EYS: variants seen among roughly 807,000 people sequenced by gnomAD.
The protein encoded by EYS is protein eyes shut homolog.
In EYS, 250 loss-of-function variants were observed where a neutral mutation model predicts 282.1. The ratio of observed to expected loss-of-function variants is 0.89; its 90% CI spans 0.80 to 0.98. The LOEUF is 0.98. EYS is among the 50% of genes least tolerant of loss of function. The probability of loss-of-function intolerance (pLI) is 0.00; values close to 1 mark genes in which losing one functional copy is unlikely to be tolerated. For synonymous variants in EYS, 1,355 were observed against 1,282.9 expected (o/e 1.06, Z -1.20); for missense variants, 4,016 against 3,709.0 (o/e 1.08, Z -2.15).
At chr6:65,340,225 TC>T (rs1253246847) in intron 10 of EYS, among the ~76,000 whole-genome samples, 2 of 151,128 alleles carry the variant, frequency 1.3e-5, no homozygotes, top group African/African-American at 4.8e-5. Flanking sequence ...TCCCAGTAAC[TC>T]ATAATAATAT....
intron 1 of EYS, among the ~76,000 whole-genome samples, chr6:65,650,028 G>T (rs1048391180): frequency 3.3e-5 from 5 of 152,074 alleles, no homozygotes; most frequent in African/African-American, 9.7e-5. Flanking sequence ...TGCAGGAAAA[G>T]GATGCCTGTG....
At chr6:65,587,735 G>T (rs559997739) in intron 2 of EYS, among the ~76,000 whole-genome samples, 1 of 152,092 alleles carries the variant, frequency 6.6e-6, no homozygotes, top group Admixed American at 6.6e-5. Flanking sequence ...ATAAAAGGAT[G>T]AACTGTAAAC....
chr6:65,444,928 G>T (rs1768594385), intron 5 of EYS, among the ~76,000 whole-genome samples: 2 of 151,822 alleles, frequency 1.3e-5, no homozygotes, highest in South Asian at 4.1e-4. Context: ...GTCTTCACTA[G>T]CTTGTTACCT....
chr6:63,970,902 T>C (rs2149783347), intron 35 of EYS, among the ~76,000 whole-genome samples: 1 of 152,338 alleles, frequency 6.6e-6, no homozygotes, highest in East Asian at 1.9e-4. Context: ...ACAATATGAA[T>C]GCATGTCAAG....
At chr6:64,038,570 AT>A (rs999711633) in intron 33 of EYS, among the ~76,000 whole-genome samples, 5 of 152,004 alleles carry the variant, frequency 3.3e-5, no homozygotes, top group Non-Finnish European at 7.4e-5. Context: ...CAATATTAGG[AT>A]ATACTTTATA....
intron 31 of EYS, among the ~76,000 whole-genome samples, chr6:64,212,138 T>C (rs977429985): frequency 6.6e-6 from 1 of 151,728 alleles, no homozygotes; most frequent in African/African-American, 2.4e-5. Flanking sequence ...TAATTAATAA[T>C]TTAAAAAATA....
intron 34 of EYS, among the ~76,000 whole-genome samples, chr6:63,991,171 G>A (rs1767587477): frequency 6.6e-6 from 1 of 151,630 alleles, no homozygotes; most frequent in African/African-American, 2.4e-5. Flanking sequence ...GAGTCTGCAG[G>A]CACAAGTTCA....
intron 14 of EYS, 24 bp from the exon 15 acceptor site, chr6:64,945,938 T>TA (rs1769275488): frequency 6.6e-7 from 1 of 1,524,040 alleles, no homozygotes; most frequent in Admixed American, 2.0e-5. Flanking sequence ...AAATTATATA[T>TA]TTTTAGGCTA....
intron 22 of EYS, among the ~76,000 whole-genome samples, chr6:64,808,553 T>C (rs2150012794): frequency 6.6e-6 from 1 of 151,590 alleles, no homozygotes; most frequent in South Asian, 2.1e-4. Flanking sequence ...TGTCTCTAAA[T>C]GTGCCTGAGA....
chr6:64,418,236 ACT>A (rs1018941253), intron 28 of EYS, among the ~76,000 whole-genome samples: 5 of 151,904 alleles, frequency 3.3e-5, no homozygotes, highest in Admixed American at 1.3e-4. Context: ...AAAAAAAATA[ACT>A]CTCTGCAAAT....
At chr6:64,201,737 T>C (rs1021447788) in intron 31 of EYS, among the ~76,000 whole-genome samples, 1 of 152,208 alleles carries the variant, frequency 6.6e-6, no homozygotes, top group Non-Finnish European at 1.5e-5. Context: ...ATTGAAAAAC[T>C]TCTGCATCTC....
chr6:65,184,506 C>A (rs1005375583), intron 12 of EYS, among the ~76,000 whole-genome samples: 5 of 151,604 alleles, frequency 3.3e-5, no homozygotes, highest in African/African-American at 1.2e-4. Context: ...AACATTCAAA[C>A]CATAGCATGA....
At chr6:65,411,146 C>A (rs749143499) in intron 5 of EYS, among the ~76,000 whole-genome samples, 4 of 151,908 alleles carry the variant, frequency 2.6e-5, no homozygotes, top group African/African-American at 4.8e-5. Context: ...ACTCAAATAC[C>A]ATTTGATTGT....
chr6:64,354,189 T>A (rs1046003683), intron 29 of EYS, among the ~76,000 whole-genome samples: 2 of 151,742 alleles, frequency 1.3e-5, no homozygotes, highest in East Asian at 3.9e-4. Context: ...TTGAGCAAAC[T>A]TTGGCAGAGA....
At chr6:64,526,891 G>A (rs941327370) in intron 26 of EYS, among the ~76,000 whole-genome samples, 7 of 151,754 alleles carry the variant, frequency 4.6e-5, no homozygotes, top group Admixed American at 3.3e-4. Context: ...CTAATACTGA[G>A]TTGCATAATT....
At chr6:65,318,777 G>T (rs1277645994) in intron 11 of EYS, among the ~76,000 whole-genome samples, 1 of 150,686 alleles carries the variant, frequency 6.6e-6, no homozygotes, top group African/African-American at 2.4e-5. Context: ...AAGTAGCTGG[G>T]ACAACAGGCA....
chr6:64,394,154 A>C (rs1360741586), intron 28 of EYS, among the ~76,000 whole-genome samples: 1 of 152,250 alleles, frequency 6.6e-6, no homozygotes, highest in Non-Finnish European at 1.5e-5. Flanking sequence ...ATGGAAGAAC[A>C]TTCCATGCTC....
intron 34 of EYS, among the ~76,000 whole-genome samples, chr6:63,995,888 C>T (rs1227168113): frequency 6.6e-6 from 1 of 151,786 alleles, no homozygotes; most frequent in East Asian, 1.9e-4. Context: ...ATCTATTGCA[C>T]AGCATGGTGA....
chr6:64,989,394 A>AATATATATATATACATAT lies in EYS; in HGVS notation c.2259+8187_2259+8188insATATGTATATATATATAT. ...AAGAGGCTATTTACTGGCTAGCTGT[A>AATATATATATATACATAT]ATATATATATATATATATATATGAA... is the stretch of plus-strand genomic sequence containing the variant. On this transcript the variant is annotated intron_variant, in intron 14 of 42. Transcript: ENST00000503581. Among the ~76,000 whole-genome samples the AATATATATATATACATAT allele has an allele frequency of 2.9e-5, 2 of 69,724 alleles. 1 individual carries two copies. Among genetic ancestry groups the AATATATATATATACATAT allele is most frequent in the African/African-American group, 1.5e-4 (2 of 13,140 alleles). The allele number at this position is 69,724 out of a possible 152,430, so 45.7% of individuals were successfully genotyped here. A position where few individuals can be genotyped will look rare whatever the true frequency, so the allele number is the denominator to read the frequency against.
Sources: allele counts gnomAD v4.1 joint callset (sites outside exome capture counted in the v4.1 genomes callset), GRCh38; gene constraint gnomAD v4.1.1; transcripts MANE v1.5; gene names NCBI Gene and HGNC (gene_info 2026-07-23, HGNC 2026-07-21).